Variants in TP73 observed in about 807,000 individuals in gnomAD.
TP73 encodes tumor protein p73, also known as p53-like transcription factor.
In TP73, 25 loss-of-function variants were observed where a neutral mutation model predicts 62.5. The observed-to-expected ratio is 0.40, with a 90% CI of 0.29 to 0.56. TP73 has a LOEUF of 0.56. TP73 is among the 20% of genes least tolerant of loss of function. The pLI is 0.46. For missense variants in TP73, 754 were observed against 913.3 expected (o/e 0.83, Z 2.25); for synonymous variants, 423 against 377.5 (o/e 1.12, Z -1.40).
Position 3,668,314 on chromosome 1 carries a change from C to T in TP73, c.-33-14019C>T, listed in dbSNP as rs575729954. Among the ~76,000 whole-genome samples the T allele has an allele frequency of 4.0e-4, 61 of 152,292 alleles. 1 individual carries two copies. The highest frequency in any genetic ancestry group is 3.9e-3 in the South Asian group (19 of 4,828). ...GCCATGAGTAGCTGTCACACACATC[C>T]GTGCAGCACCTAGACACACATCCGT... On this transcript the variant is annotated intron_variant, in intron 1 of 13. Transcript: ENST00000378295.
rs59432695 is a variant in TP73 at position 3,666,124 on chromosome 1, CAAAAAAAAAA to C, written c.-34+13501_-34+13510del. Among the ~76,000 whole-genome samples, 169 of 41,082 alleles carry C rather than the reference CAAAAAAAAAA, an allele frequency of 4.1e-3. 1 individual carries two copies. The highest frequency in any genetic ancestry group is 8.1e-3 in the Admixed American group (23 of 2,854). The allele number at this position is 41,082 out of a possible 152,430, so 27.0% of individuals were successfully genotyped here. On this transcript the variant is annotated intron_variant, in intron 1 of 13. Transcript: ENST00000378295. The surrounding 1 kb of genome is among the most constrained non-coding windows in gnomAD (Gnocchi z 6.4). ...GGGCAACAAGAGCAAAACTCTGTCT[CAAAAAAAAAA>C]AAAAAAAAAAAAAAAAAGAGAGAGA...
At chr1:3,697,157 C>G (rs12126531) in intron 3 of TP73, among the ~76,000 whole-genome samples, 70 of 107,716 alleles carry the variant, frequency 6.5e-4, no homozygotes, top group Admixed American at 2.1e-3. Flanking sequence ...CGGGGCCCAC[C>G]TCGCACCCGC....
chr1:3,721,580 T>C (rs1255060527), intron 4 of TP73, among the ~76,000 whole-genome samples: 2 of 152,188 alleles, frequency 1.3e-5, no homozygotes, highest in African/African-American at 4.8e-5. Context: ...CTAGCTCTGG[T>C]CTTAAAAACA....
intron 3 of TP73, among the ~76,000 whole-genome samples, chr1:3,702,128 C>T (rs1639222930): frequency 6.6e-6 from 1 of 152,192 alleles, no homozygotes; most frequent in Non-Finnish European, 1.5e-5. Flanking sequence ...CCGTCCCCAG[C>T]TTGGCCGACG....
At chr1:3,725,546 CGGATGGATGGGGTGGGTGGGTGAAT>C (rs1326970161) in intron 6 of TP73, among the ~76,000 whole-genome samples, 2 of 8,338 alleles carry the variant, frequency 2.4e-4, no homozygotes, top group Non-Finnish European at 4.3e-4. Context: ...ATAGGGTGGG[CGGATGGATGGGGTGGGTGGGTGAAT>C]GGATGGATGG....
chr1:3,654,670 A>G (rs1303082590), intron 1 of TP73, among the ~76,000 whole-genome samples: 2 of 152,208 alleles, frequency 1.3e-5, no homozygotes, highest in Non-Finnish European at 2.9e-5. Flanking sequence ...GTGCTGTTCC[A>G]GAGCTGGGAG....
At chr1:3,689,024 G>A (rs1004532844) in intron 3 of TP73, among the ~76,000 whole-genome samples, 1 of 152,136 alleles carries the variant, frequency 6.6e-6, no homozygotes, top group Non-Finnish European at 1.5e-5. Flanking sequence ...TGCCCTGTGG[G>A]GGTCGGGAGC....
At position 3,699,642 on chromosome 1, in the gene TP73, G is replaced by C. The variant is rs1638983992; in HGVS notation, c.187-7907G>C. On this transcript the variant is annotated intron_variant, in intron 3 of 13. Coordinates refer to ENST00000378295, the MANE Select transcript of TP73 (RefSeq NM_005427.4). This position sits in a 1 kb window ranked among gnomAD's most constrained non-coding sequence, Gnocchi z 4.1. ...GCCAGTGGTGGATGAAGAAGAGCAT[G>C]TCTCTGCCCCGTCTGGAGCTCCCGG... Among the ~76,000 whole-genome samples the C allele has an allele frequency of 6.6e-6, 1 of 152,226 alleles. No homozygotes were observed. Among genetic ancestry groups the C allele is most frequent in the African/African-American group, 2.4e-5 (1 of 41,466 alleles).
At chr1:3,730,532 C>A (rs373239882) in intron 11 of TP73, among the ~76,000 whole-genome samples, 1 of 152,140 alleles carries the variant, frequency 6.6e-6, no homozygotes, top group Non-Finnish European at 1.5e-5. Context: ...CAGCACAAGC[C>A]GGGGGCTCCA....
At position 3,701,244 on chromosome 1, in the gene TP73, G is replaced by T. The variant is rs1639143704; in HGVS notation, c.187-6305G>T. 4.6e-5 allele frequency among the ~76,000 whole-genome samples: 7 copies of T among 152,016 alleles called. No homozygotes were observed. In the South Asian group the frequency reaches 1.5e-3, roughly 32 times the overall value. The stretch of plus-strand genomic sequence containing the variant: ...CACCTGCTCTTCCCCATCCGTCCCT[G>T]TGCCCAGGGCTTAGCGACTGTCCTC... On this transcript the variant is annotated intron_variant, in intron 3 of 13. Transcript: ENST00000378295. This position sits in a 1 kb window ranked among gnomAD's most constrained non-coding sequence, Gnocchi z 4.7.
rs1645129187 is a variant in TP73, at chr1:3,666,890, C to T, written c.-34+14249C>T. ...TTATGGTTGGCAAAAAAAAGTGGCTCCCCAAAGGTCTTCACGTCCCAATCC... is the reference window on the plus strand; with the variant it reads ...TTATGGTTGGCAAAAAAAAGTGGCTTCCCAAAGGTCTTCACGTCCCAATCC... On this transcript the variant is annotated intron_variant, in intron 1 of 13. Transcript: ENST00000378295. The surrounding 1 kb of genome is among the most constrained non-coding windows in gnomAD (Gnocchi z 6.4). Among the ~76,000 whole-genome samples, 1 of 152,160 alleles carries T rather than the reference C, an allele frequency of 6.6e-6. No individual in the cohort carries two copies. The highest frequency in any genetic ancestry group is 6.5e-5 in the Admixed American group (1 of 15,282).
At chr1:3,726,192 G>GTGGA (rs1325017452) in intron 6 of TP73, among the ~76,000 whole-genome samples, 1 of 133,052 alleles carries the variant, frequency 7.5e-6, no homozygotes, top group Admixed American at 7.5e-5. Context: ...AATGGGGGGA[G>GTGGA]TGGATGGATG....
chr1:3,667,765 G>T (rs1477833497), intron 1 of TP73, among the ~76,000 whole-genome samples: 1 of 147,664 alleles, frequency 6.8e-6, no homozygotes, highest in Admixed American at 6.7e-5. Flanking sequence ...AAAAAAAAAA[G>T]AAAGAAAAAA....
intron 4 of TP73, among the ~76,000 whole-genome samples, chr1:3,717,418 C>T (rs578057499): frequency 1.2e-4 from 19 of 152,352 alleles, no homozygotes; most frequent in African/African-American, 2.2e-4. Context: ...GCAAGCAGGA[C>T]GGTGCACGCA....
At chr1:3,723,833 G>A (rs999260165) in intron 6 of TP73, among the ~76,000 whole-genome samples, 1 of 152,172 alleles carries the variant, frequency 6.6e-6, no homozygotes, top group African/African-American at 2.4e-5. Flanking sequence ...GGAGGTCCCC[G>A]CCCATTTAGA....
At chr1:3,711,083 C>T (rs1461585403) in intron 4 of TP73, among the ~76,000 whole-genome samples, 1 of 152,208 alleles carries the variant, frequency 6.6e-6, no homozygotes, top group Non-Finnish European at 1.5e-5. Context: ...CAGAGCTGCC[C>T]GTGAGCACCT....
At chr1:3,657,120 G>A (rs1490560549) in intron 1 of TP73, among the ~76,000 whole-genome samples, 1 of 152,188 alleles carries the variant, frequency 6.6e-6, no homozygotes, top group Non-Finnish European at 1.5e-5. Context: ...AGTTTTCTCA[G>A]GCTGCTGTTA....
At position 3,732,885 on chromosome 1, in the gene TP73, G is replaced by C. The variant is rs147589532; in HGVS notation, c.1717G>C (p.Gly573Arg). The part of the protein sequence containing the change: ...SSNAATISIG[G>R]SGELQRQRVM... Reference sequence around the variant, plus strand: ...CAACGCGGCCACCATCTCCATCGGCGGCTCAGGGGAACTGCAGCGCCAGCG... The same window carrying C: ...CAACGCGGCCACCATCTCCATCGGCCGCTCAGGGGAACTGCAGCGCCAGCG... The change falls in exon 14 of 14, where the codon GGC (glycine) becomes CGC (arginine). Residue 573 changes from glycine (G) to arginine (R), a missense_variant. By Grantham distance (125) the Gly-to-Arg change is moderately radical. Around this residue, in one of 3 missense-constraint regions of TP73, gnomAD observed 458 missense variants for 528.7 expected, o/e 0.87. Coordinates refer to ENST00000378295, the MANE Select transcript of TP73 (RefSeq NM_005427.4). 6.2e-7 allele frequency: 1 copy of C among 1,611,586 alleles called. No homozygotes were observed. The highest frequency in any genetic ancestry group is 8.5e-7 in the Non-Finnish European group (1 of 1,179,654).
chr1:3,706,132 C>T (rs56043502), intron 3 of TP73, among the ~76,000 whole-genome samples: 2,888 of 152,242 alleles, frequency 0.019, 110 homozygotes, highest in African/African-American at 0.065. Context: ...GGCCCGCCTC[C>T]GCCTGGCTCT....
Sources: gnomAD v4.1 joint callset for allele counts (sites outside exome capture counted in the v4.1 genomes callset) on GRCh38, gnomAD v4.1.1 for gene constraint, gnomAD v4.1.1 regional missense constraint, Gnocchi (gnomAD v3.1) non-coding constraint, MANE v1.5 for transcripts, NCBI Gene and HGNC (gene_info 2026-07-23, HGNC 2026-07-21) for gene names.